The following AKAP9 variants were observed in gnomAD, a reference collection of about 807,000 sequenced individuals.
AKAP9 encodes A-kinase anchoring protein 9.
Under a neutral mutation model 488.5 loss-of-function variants are expected in AKAP9, and 311 were observed. The observed-to-expected ratio is 0.64, with a 90% CI of 0.58 to 0.70. The LOEUF is 0.70. Among genes scored for constraint, AKAP9 ranks in the 30% least tolerant of loss-of-function variants. The pLI, the probability that AKAP9 is intolerant of heterozygous loss-of-function variation, is 0.00. For missense variants in AKAP9, 4,215 were observed against 4,374.5 expected, an observed-to-expected ratio of 0.96 and a Z score of 1.03; for synonymous variants, 1,462 against 1,483.5, an observed-to-expected ratio of 0.99 and a Z score of 0.33.
chr7:91,980,785 A>G (rs1796321454), intron 3 of AKAP9, among the ~76,000 whole-genome samples: 1 of 152,018 alleles, frequency 6.6e-6, no homozygotes, highest in African/African-American at 2.4e-5. Flanking sequence ...ACTTTAGGTG[A>G]TAAAGGTATT....
intron 11 of AKAP9, 128 bp from the exon 12 acceptor site, chr7:92,016,889 A>T: frequency 1.5e-6 from 1 of 664,044 alleles, no homozygotes; most frequent in Non-Finnish European, 2.7e-6. Flanking sequence ...ATTTTCAGTT[A>T]CTAAATATCT....
At chr7:92,057,932 G>T (rs185542081) in intron 22 of AKAP9, 6 of 225,524 alleles carry the variant, frequency 2.7e-5, no homozygotes, top group East Asian at 2.6e-4. Flanking sequence ...TTTTTTTGAG[G>T]GGGCATCAAG....
intron 2 of AKAP9, among the ~76,000 whole-genome samples, chr7:91,975,583 T>C (rs1309788127): frequency 6.6e-6 from 1 of 152,224 alleles, no homozygotes. Context: ...AAACTAGAAA[T>C]GTTCAACTTC....
At chr7:91,974,055 A>T (rs954452254) in intron 2 of AKAP9, 87 bp downstream of exon 2, 2 of 1,512,344 alleles carry the variant, frequency 1.3e-6, no homozygotes, top group African/African-American at 2.8e-5. Flanking sequence ...GCGCAATTTG[A>T]TCATGATTTT....
chr7:92,033,309 A>T (rs1804589530), intron 16 of AKAP9, among the ~76,000 whole-genome samples: 1 of 152,126 alleles, frequency 6.6e-6, no homozygotes, highest in Non-Finnish European at 1.5e-5. Flanking sequence ...ATTATGTTTG[A>T]TGGCCCAGCT....
At chr7:92,053,090 C>A in intron 22 of AKAP9, 132 bp downstream of exon 22, 1 of 719,058 alleles carries the variant, frequency 1.4e-6, no homozygotes. Flanking sequence ...GCATATGCAT[C>A]TTAATTATCC....
intron 1 of AKAP9, among the ~76,000 whole-genome samples, chr7:91,958,156 C>T (rs1227684884): frequency 6.6e-6 from 1 of 152,184 alleles, no homozygotes; most frequent in Non-Finnish European, 1.5e-5. Flanking sequence ...TGATGTCCAT[C>T]AACATGGATC....
chr7:92,036,592 C>T (rs1805241436), intron 16 of AKAP9, among the ~76,000 whole-genome samples: 1 of 152,100 alleles, frequency 6.6e-6, no homozygotes, highest in South Asian at 2.1e-4. Flanking sequence ...CTATTATATC[C>T]TCCTGGAACT....
intron 1 of AKAP9, among the ~76,000 whole-genome samples, chr7:91,947,801 T>A (rs1446665315): frequency 1.3e-5 from 2 of 152,212 alleles, no homozygotes; most frequent in East Asian, 3.8e-4. Context: ...TAATTTTTTT[T>A]AATTGAGGTG....
intron 22 of AKAP9, among the ~76,000 whole-genome samples, chr7:92,055,246 G>A (rs951946461): frequency 6.6e-6 from 1 of 152,038 alleles, no homozygotes; most frequent in Non-Finnish European, 1.5e-5. Context: ...AGGAATCTGA[G>A]GATGAAGCAG....
chr7:92,093,423 C>T, intron 39 of AKAP9, 107 bp downstream of exon 39: 1 of 951,052 alleles, frequency 1.1e-6, no homozygotes, highest in Non-Finnish European at 1.6e-6. Context: ...ATTTAAATAG[C>T]ATGCAACTGT....
chr7:91,973,778 A>G lies in AKAP9; in HGVS notation c.116A>G (p.Lys39Arg). The G allele has an allele frequency of 1.2e-6, 2 of 1,614,138 alleles. No individual in the cohort carries two copies. Among genetic ancestry groups the G allele is most frequent in the South Asian group, 2.2e-5 (2 of 91,072 alleles). ...AGTCCTTCCAAGAAGCAGAAAAAAA[A>G]GAGAAAAACGTCAAGCAGTAAACAT... Reference protein sequence around the residue: ...GQSPSKKQKKKRKTSSSKHDV... With the variant: ...GQSPSKKQKKRRKTSSSKHDV... Residue 39 changes from lysine to arginine, a missense_variant, in exon 2 of 50, where the codon AAG (lysine) becomes AGG (arginine). Physicochemically the swap from Lys to Arg is conservative, Grantham distance 26. Around this residue, in one of 5 missense-constraint regions of AKAP9, gnomAD observed 2,361 missense variants for 2,430.0 expected, o/e 0.97. Transcript: ENST00000356239.
chr7:91,947,171 T>C (rs966375540), intron 1 of AKAP9, among the ~76,000 whole-genome samples: 2 of 97,082 alleles, frequency 2.1e-5, no homozygotes, highest in Non-Finnish European at 4.6e-5. Flanking sequence ...TGTGTGTGTG[T>C]GTGCGTGTGT....
Position 91,941,657 on chromosome 7 carries a change from C to T in AKAP9, c.48+510C>T, listed in dbSNP as rs561115602. 8.5e-5 allele frequency among the ~76,000 whole-genome samples: 13 copies of T among 152,168 alleles called. No individual in the cohort carries two copies. In the East Asian group the frequency reaches 2.3e-3, roughly 27 times the overall value. On this transcript the variant is annotated intron_variant, in intron 1 of 49. Coordinates refer to ENST00000356239, the MANE Select transcript of AKAP9 (RefSeq NM_005751.5). ...TGTCTCAGCAGTGGCTTGTGTGTGC[C>T]ACAAGTGCCAGCTGTGAACTTGGCT...
chr7:92,046,211 G>A (rs1024995260), intron 21 of AKAP9, among the ~76,000 whole-genome samples: 2 of 152,062 alleles, frequency 1.3e-5, no homozygotes, highest in Non-Finnish European at 2.9e-5. Context: ...CCTTGTAGGA[G>A]AGGGAAATGA....
intron 17 of AKAP9, 135 bp downstream of exon 17, chr7:92,038,907 T>G (rs1261940743): frequency 1.5e-6 from 1 of 685,608 alleles, no homozygotes; most frequent in African/African-American, 1.8e-5. Flanking sequence ...TCACGTTGTT[T>G]TGTTTTGTTT....
intron 26 of AKAP9, 48 bp from the exon 27 acceptor site, chr7:92,069,982 C>G (rs536799400): frequency 6.4e-7 from 1 of 1,556,130 alleles, no homozygotes; most frequent in South Asian, 1.1e-5. Context: ...TACTAACTAG[C>G]TTGCTGAAAT....
rs1289522997 is a variant in AKAP9, at chr7:91,952,957, C to T, written c.48+11810C>T. Among the ~76,000 whole-genome samples the T allele has an allele frequency of 7.2e-5, 11 of 152,290 alleles. No individual in the cohort carries two copies. The South Asian group carries it at 1.4e-3, about 20-fold the overall frequency. On this transcript the variant is annotated intron_variant, in intron 1 of 49. Coordinates refer to ENST00000356239, the MANE Select transcript of AKAP9 (RefSeq NM_005751.5). ...GCCTCAGCCTCCTGACTGAGGACTA[C>T]AGGCATGAGCCACCCCACCTGGCTT... is the stretch of plus-strand genomic sequence containing the variant.
intron 21 of AKAP9, among the ~76,000 whole-genome samples, chr7:92,050,129 A>G (rs1025475866): frequency 6.6e-6 from 1 of 150,914 alleles, no homozygotes; most frequent in Non-Finnish European, 1.5e-5. Flanking sequence ...CAGTAGTGCA[A>G]TCTTGGCTCA....
Sources: allele counts gnomAD v4.1 joint callset (sites outside exome capture counted in the v4.1 genomes callset), GRCh38; gene constraint gnomAD v4.1.1; regional missense constraint gnomAD v4.1.1; transcripts MANE v1.5; gene names NCBI Gene and HGNC (gene_info 2026-07-23, HGNC 2026-07-21).